Variants in DIP2C observed in about 807,000 individuals in gnomAD.
The protein encoded by DIP2C is disco-interacting protein 2 homolog C.
In DIP2C, 33 loss-of-function variants were observed where a neutral mutation model predicts 192.4. The observed-to-expected ratio is 0.17, with a 90% CI of 0.13 to 0.23. DIP2C has a LOEUF of 0.23. Ranked by LOEUF, DIP2C falls within the 10% of genes least tolerant of loss-of-function variation. DIP2C has a pLI of 1.00. For missense variants in DIP2C, 1,537 were observed against 2,110.1 expected (o/e 0.73, Z 5.32); for synonymous variants, 979 against 864.1 (o/e 1.13, Z -2.33).
At chr10:509,796 C>T (rs1298799007) in intron 1 of DIP2C, among the ~76,000 whole-genome samples, 1 of 151,948 alleles carries the variant, frequency 6.6e-6, no homozygotes, top group Non-Finnish European at 1.5e-5. Flanking sequence ...CTCCTCCCAG[C>T]CCACGCTTCG....
chr10:685,976 T>C (rs952159508), intron 1 of DIP2C, among the ~76,000 whole-genome samples: 1 of 152,064 alleles, frequency 6.6e-6, no homozygotes, highest in Non-Finnish European at 1.5e-5. Context: ...AAAAAATAAA[T>C]AAGACATGAG....
At chr10:378,208 A>G (rs1475237748) in intron 17 of DIP2C, among the ~76,000 whole-genome samples, 1 of 152,254 alleles carries the variant, frequency 6.6e-6, no homozygotes, top group African/African-American at 2.4e-5. Context: ...GGACAGTGAC[A>G]GTTTTAAAGA....
rs375534640 is a variant in DIP2C at position 392,805 on chromosome 10, GCA to G, written c.1261-1944_1261-1943del. On this transcript the variant is annotated intron_variant, in intron 10 of 36. Transcript: ENST00000280886. Reference sequence around the variant, plus strand: ...CGCGCCCATGCACACACGCGGATGCGCACACTCAGCGCACACACACACACACG... The same window carrying G: ...CGCGCCCATGCACACACGCGGATGCGCACTCAGCGCACACACACACACACG... 1.5e-3 allele frequency among the ~76,000 whole-genome samples: 224 copies of G among 147,816 alleles called. 1 individual carries two copies. The highest frequency in any genetic ancestry group is 4.7e-3 in the East Asian group (24 of 5,094).
intron 4 of DIP2C, among the ~76,000 whole-genome samples, chr10:440,331 G>A (rs749626589): frequency 1.3e-5 from 2 of 152,208 alleles, no homozygotes; most frequent in Non-Finnish European, 2.9e-5. Context: ...ACCTATGGCT[G>A]CTTTCACACT....
At chr10:647,392 C>T (rs1352300774) in intron 1 of DIP2C, among the ~76,000 whole-genome samples, 8 of 151,680 alleles carry the variant, frequency 5.3e-5, no homozygotes, top group Non-Finnish European at 5.9e-5. Context: ...GAGTCCACGT[C>T]CACATTGGAT....
At chr10:371,056 C>G (rs1960890775) in intron 17 of DIP2C, among the ~76,000 whole-genome samples, 1 of 152,160 alleles carries the variant, frequency 6.6e-6, no homozygotes, top group Non-Finnish European at 1.5e-5. Context: ...CCCGGGCTTT[C>G]CATTATCCTC....
intron 31 of DIP2C, among the ~76,000 whole-genome samples, chr10:318,642 G>A (rs186934793): frequency 9.8e-4 from 150 of 152,314 alleles, no homozygotes; most frequent in African/African-American, 3.2e-3. Context: ...GCTGGCTGAC[G>A]TGCAGGATAC....
chr10:636,472 G>A lies in DIP2C; in HGVS notation c.85+53022C>T, dbSNP rs1015805517. ...ATTCGTTTCTCCTCTGGAGCCAGTT[G>A]AAGGTGACAGGCTCCTGCCACCTCG... On this transcript the variant is annotated intron_variant, in intron 1 of 36. Coordinates refer to ENST00000280886, the MANE Select transcript of DIP2C (RefSeq NM_014974.3). This position sits in a 1 kb window ranked among gnomAD's most constrained non-coding sequence, Gnocchi z 4.6. 2.6e-5 allele frequency among the ~76,000 whole-genome samples: 4 copies of A among 152,116 alleles called. No homozygotes were observed. Among genetic ancestry groups the A allele is most frequent in the African/African-American group, 9.7e-5 (4 of 41,432 alleles).
intron 29 of DIP2C, among the ~76,000 whole-genome samples, chr10:337,692 A>C (rs1282249569): frequency 2.2e-5 from 2 of 91,636 alleles, no homozygotes; most frequent in African/African-American, 8.2e-5. Context: ...AGGCCTAGGC[A>C]GCTGTGTGTG....
intron 1 of DIP2C, among the ~76,000 whole-genome samples, chr10:617,852 A>T (rs1469072713): frequency 6.6e-6 from 1 of 152,168 alleles, no homozygotes; most frequent in Non-Finnish European, 1.5e-5. Context: ...TGGGAGGCTC[A>T]AAAACTGCCC....
At chr10:468,107 G>C (rs1970368920) in intron 3 of DIP2C, among the ~76,000 whole-genome samples, 1 of 152,062 alleles carries the variant, frequency 6.6e-6, no homozygotes, top group Non-Finnish European at 1.5e-5. Flanking sequence ...CGGTTCAGGA[G>C]AAAGAAAAAA....
chr10:659,701 C>T (rs186237632), intron 1 of DIP2C, among the ~76,000 whole-genome samples: 173 of 152,352 alleles, frequency 1.1e-3, no homozygotes, highest in Middle Eastern at 6.8e-3. Flanking sequence ...TGAATATACT[C>T]GTTCTTTTCG....
At chr10:301,888 T>C (rs997205011) in intron 32 of DIP2C, among the ~76,000 whole-genome samples, 2 of 152,090 alleles carry the variant, frequency 1.3e-5, no homozygotes, top group African/African-American at 4.8e-5. Context: ...TCGCAGGAGA[T>C]TGTGTCCAAA....
chr10:383,964 A>C (rs533596968), intron 16 of DIP2C, 63 bp downstream of exon 16: 2 of 3,486 alleles, frequency 5.7e-4, no homozygotes, highest in African/African-American at 3.4e-3. Context: ...CTGCCTCACG[A>C]AAAAAAAAAA....
chr10:576,927 AAAAT>A (rs1392116835), intron 1 of DIP2C, among the ~76,000 whole-genome samples: 2 of 152,188 alleles, frequency 1.3e-5, no homozygotes, highest in Admixed American at 1.3e-4. Context: ...AATAAAAAAA[AAAAT>A]AAGAGGGCAA....
In DIP2C at chr10:596,398, AAGG is replaced by A. The variant is rs563523273; in HGVS notation, c.85+93093_85+93095del. 1.2e-4 allele frequency among the ~76,000 whole-genome samples: 18 copies of A among 147,674 alleles called. No homozygotes were observed. In the South Asian group the frequency reaches 2.5e-3, roughly 20 times the overall value. Reference sequence around the variant, plus strand: ...GTAATCCCAGCTACTTGGGAGGCTAAAGGAGGAGAATCACTTGAACCTGGGAGG... The same window carrying A: ...GTAATCCCAGCTACTTGGGAGGCTAAAGGAGAATCACTTGAACCTGGGAGG... On this transcript the variant is annotated intron_variant, in intron 1 of 36. Transcript: ENST00000280886.
intron 1 of DIP2C, among the ~76,000 whole-genome samples, chr10:503,079 C>T (rs944227565): frequency 3.3e-5 from 5 of 151,600 alleles, no homozygotes; most frequent in Non-Finnish European, 5.9e-5. Context: ...TCCGCCAAGA[C>T]GCCTACCTGC....
chr10:498,656 T>C (rs1035211357), intron 1 of DIP2C, among the ~76,000 whole-genome samples: 6 of 152,146 alleles, frequency 3.9e-5, no homozygotes, highest in African/African-American at 1.4e-4. Flanking sequence ...ATATAATTTT[T>C]CAATGAAGAA....
At chr10:360,209 G>C (rs991120460) in intron 22 of DIP2C, among the ~76,000 whole-genome samples, 1 of 152,108 alleles carries the variant, frequency 6.6e-6, no homozygotes, top group Non-Finnish European at 1.5e-5. Flanking sequence ...GCAGACTAGG[G>C]CCTGTTTTCC....
Sources: gnomAD v4.1 joint callset for allele counts (sites outside exome capture counted in the v4.1 genomes callset) on GRCh38, gnomAD v4.1.1 for gene constraint, Gnocchi (gnomAD v3.1) non-coding constraint, MANE v1.5 for transcripts, NCBI Gene and HGNC (gene_info 2026-07-23, HGNC 2026-07-21) for gene names.